Variants in LPP observed in about 807,000 individuals in gnomAD.
LPP encodes LIM domain containing preferred translocation partner in lipoma, also known as lipoma-preferred partner.
LPP carries 38 observed loss-of-function variants against 60.4 expected under a neutral mutation model. The observed-to-expected ratio is 0.63, with a 90% CI of 0.49 to 0.83. The LOEUF (loss-of-function observed/expected upper bound fraction) is 0.83, where lower values mean the gene tolerates loss of function less well. LPP is among the 40% of genes least tolerant of loss of function. The pLI is 0.00. For missense variants in LPP, 902 were observed against 783.6 expected (o/e 1.15, Z -1.80); for synonymous variants, 328 against 290.8 (o/e 1.13, Z -1.30).
At chr3:188,829,685 T>C (rs1360141744) in intron 9 of LPP, among the ~76,000 whole-genome samples, 1 of 152,158 alleles carries the variant, frequency 6.6e-6, no homozygotes, top group Non-Finnish European at 1.5e-5. Context: ...CCTGAAATCC[T>C]ATTATCTGGG....
At position 188,617,657 on chromosome 3, in the gene LPP, T is replaced by C. The variant is rs77526069; in HGVS notation, c.1113+7813T>C. 4.6e-3 allele frequency among the ~76,000 whole-genome samples: 695 copies of C among 152,304 alleles called. 2 individuals are homozygous for C. The highest frequency in any genetic ancestry group is 7.3e-3 in the Non-Finnish European group (496 of 68,004). Reference sequence around the variant, plus strand: ...ATGGATGTGCTGGTATACTAAGAAATGTCTGTGAATATTATTTATTTATTT... The same window carrying C: ...ATGGATGTGCTGGTATACTAAGAAACGTCTGTGAATATTATTTATTTATTT... On this transcript the variant is annotated intron_variant, in intron 7 of 11. Transcript: ENST00000617246.
intron 7 of LPP, among the ~76,000 whole-genome samples, chr3:188,655,781 T>A (rs2149034130): frequency 6.6e-6 from 1 of 152,292 alleles, no homozygotes; most frequent in South Asian, 2.1e-4. Context: ...TTATTTAAAT[T>A]AAATAATCCT....
At chr3:188,454,809 T>C (rs1797369381) in intron 4 of LPP, among the ~76,000 whole-genome samples, 1 of 152,134 alleles carries the variant, frequency 6.6e-6, no homozygotes, top group Non-Finnish European at 1.5e-5. Context: ...ACCATCTCCA[T>C]GATTCACATG....
chr3:188,774,194 C>T (rs997092734), intron 9 of LPP, among the ~76,000 whole-genome samples: 8 of 151,654 alleles, frequency 5.3e-5, no homozygotes, highest in Admixed American at 1.3e-4. Context: ...TTTTTAATGT[C>T]GGCAAGTCTC....
intron 2 of LPP, among the ~76,000 whole-genome samples, chr3:188,235,790 C>G (rs563738952): frequency 3.3e-5 from 5 of 152,258 alleles, no homozygotes; most frequent in African/African-American, 1.2e-4. Context: ...CCACCATCCC[C>G]TATTGTCAAT....
chr3:188,675,211 T>C (rs796084957), intron 7 of LPP, among the ~76,000 whole-genome samples: 9 of 152,292 alleles, frequency 5.9e-5, no homozygotes, highest in African/African-American at 2.2e-4. Context: ...TTAGAGTCAT[T>C]TGTAGAGATG....
intron 6 of LPP, among the ~76,000 whole-genome samples, chr3:188,539,908 T>G (rs890347): frequency 6.6e-6 from 1 of 152,072 alleles, no homozygotes; most frequent in Non-Finnish European, 1.5e-5. Context: ...TTCTTGGAGT[T>G]TTCTGTTTCC....
intron 4 of LPP, among the ~76,000 whole-genome samples, chr3:188,428,943 T>G (rs891406171): frequency 6.6e-6 from 1 of 152,180 alleles, no homozygotes; most frequent in South Asian, 2.1e-4. Context: ...TTTATAATTG[T>G]GACTCAATCC....
chr3:188,637,272 A>G (rs1310494973), intron 7 of LPP, among the ~76,000 whole-genome samples: 1 of 152,178 alleles, frequency 6.6e-6, no homozygotes, highest in African/African-American at 2.4e-5. Flanking sequence ...TACTGGGTAT[A>G]TAACGAAATG....
At chr3:188,433,692 G>T (rs114415613) in intron 4 of LPP, among the ~76,000 whole-genome samples, 1 of 149,480 alleles carries the variant, frequency 6.7e-6, no homozygotes, top group Non-Finnish European at 1.5e-5. Context: ...ATAGGAAGGA[G>T]AGAGAGAGAT....
intron 9 of LPP, among the ~76,000 whole-genome samples, chr3:188,803,562 G>A (rs1025899436): frequency 6.6e-6 from 1 of 152,136 alleles, no homozygotes; most frequent in African/African-American, 2.4e-5. Context: ...ACCATTTGTT[G>A]TAATTTAATT....
chr3:188,660,954 G>A (rs763463207), intron 7 of LPP, among the ~76,000 whole-genome samples: 8 of 151,996 alleles, frequency 5.3e-5, no homozygotes, highest in Non-Finnish European at 1.0e-4. Flanking sequence ...AGAATCATGC[G>A]GAATACTTTC....
In LPP at chr3:188,242,925, T is replaced by C. The variant is rs545624999; in HGVS notation, c.-67+17398T>C. Among the ~76,000 whole-genome samples, 108 of 152,306 alleles carry C rather than the reference T, an allele frequency of 7.1e-4. 1 individual carries two copies. The highest frequency in any genetic ancestry group is 1.9e-3 in the African/African-American group (81 of 41,566). On this transcript the variant is annotated intron_variant, in intron 2 of 11. Transcript: ENST00000617246. Reference sequence around the variant, plus strand: ...ATTAATGAAAAATGAAAACAAGGGCTGATGTTTTCAGAGAGAGAACAGATG... The same window carrying C: ...ATTAATGAAAAATGAAAACAAGGGCCGATGTTTTCAGAGAGAGAACAGATG...
intron 3 of LPP, among the ~76,000 whole-genome samples, chr3:188,393,384 A>G (rs1780159632): frequency 3.3e-5 from 5 of 152,084 alleles, no homozygotes; most frequent in Admixed American, 3.3e-4. Flanking sequence ...TCCCGTTGCT[A>G]ATTGCTGTGG....
chr3:188,792,339 G>A (rs1266468428), intron 9 of LPP, among the ~76,000 whole-genome samples: 1 of 152,210 alleles, frequency 6.6e-6, no homozygotes, highest in Non-Finnish European at 1.5e-5. Flanking sequence ...GCCCTTGGGA[G>A]CAGCTCCATA....
chr3:188,268,067 T>C (rs1233785008), intron 2 of LPP, among the ~76,000 whole-genome samples: 1 of 137,036 alleles, frequency 7.3e-6, no homozygotes, highest in Non-Finnish European at 1.5e-5. Context: ...AAAAGGAAGG[T>C]AGAGCACGGG....
intron 2 of LPP, among the ~76,000 whole-genome samples, chr3:188,273,991 T>C (rs1414566811): frequency 2.0e-5 from 3 of 152,220 alleles, no homozygotes; most frequent in African/African-American, 7.2e-5. Flanking sequence ...CTTCCTTCAA[T>C]AGTAACTTTC....
At chr3:188,827,337 G>A (rs954542907) in intron 9 of LPP, among the ~76,000 whole-genome samples, 3 of 152,156 alleles carry the variant, frequency 2.0e-5, no homozygotes, top group Non-Finnish European at 4.4e-5. Flanking sequence ...ACATGATTGT[G>A]AGAAGACAGT....
intron 7 of LPP, among the ~76,000 whole-genome samples, chr3:188,654,757 C>T (rs780812098): frequency 2.0e-5 from 3 of 152,158 alleles, no homozygotes; most frequent in East Asian, 1.9e-4. Flanking sequence ...AAGTAATGAT[C>T]GCAGATTCTA....
Sources: gnomAD v4.1 joint callset for allele counts (sites outside exome capture counted in the v4.1 genomes callset) on GRCh38, gnomAD v4.1.1 for gene constraint, MANE v1.5 for transcripts, NCBI Gene and HGNC (gene_info 2026-07-23, HGNC 2026-07-21) for gene names.